CP: variants seen among roughly 807,000 people sequenced by gnomAD.
CP encodes the protein caeruloplasmin.
Under a neutral mutation model 122.4 loss-of-function variants are expected in CP, and 64 were observed. The observed-to-expected ratio is 0.52, with a 90% CI of 0.43 to 0.64. The LOEUF (loss-of-function observed/expected upper bound fraction) is 0.64, where lower values mean the gene tolerates loss of function less well. Ranked by LOEUF, CP falls within the 30% of genes least tolerant of loss-of-function variation. The probability of loss-of-function intolerance (pLI) is 0.00; values close to 1 mark genes in which losing one functional copy is unlikely to be tolerated. For missense variants in CP, 1,167 were observed against 1,284.4 expected, an observed-to-expected ratio of 0.91 and a Z score of 1.40; for synonymous variants, 440 against 436.4, an observed-to-expected ratio of 1.01 and a Z score of -0.10.
exon 6 of CP, chr3:149,162,499 G>A: frequency 1.1e-6 from 1 of 907,956 alleles, no homozygotes; most frequent in Non-Finnish European, 1.7e-6. Flanking sequence ...TATATCTGTA[G>A]AAACTTTATT....
intron 4 of CP, among the ~76,000 whole-genome samples, chr3:149,166,881 T>TTAAATAAGGA (rs1403023379): frequency 6.6e-6 from 1 of 152,260 alleles, no homozygotes; most frequent in Non-Finnish European, 1.5e-5. Flanking sequence ...CTTAGATTTA[T>TTAAATAAGGA]TAAATAAGGA....
At position 149,207,294 on chromosome 3, in the gene CP, C is replaced by T. The variant is rs1031219325; in HGVS notation, c.1036+69G>A. 5 of 1,595,484 alleles carry T rather than the reference C, an allele frequency of 3.1e-6. No individual in the cohort carries two copies. The African/African-American group carries it at 5.4e-5, about 17-fold the overall frequency. On this transcript the variant is annotated intron_variant, in intron 5 of 18. Coordinates refer to ENST00000264613, the MANE Select transcript of CP (RefSeq NM_000096.4). ...CTCAGATTATTTCAAAGATATTTAGCTTTTAGATTCTGATTCCCAGTAACC... is the reference window on the plus strand; with the variant it reads ...CTCAGATTATTTCAAAGATATTTAGTTTTTAGATTCTGATTCCCAGTAACC...
Position 149,178,665 on chromosome 3 carries a change from G to A in CP, c.2662-34C>T, listed in dbSNP as rs998134722. The A allele has an allele frequency of 7.6e-6, 11 of 1,453,162 alleles. No individual in the cohort carries two copies. The Admixed American group carries it at 1.7e-4, about 23-fold the overall frequency. 90.0% of individuals were successfully genotyped at this position (1,453,162 alleles called of 1,614,324 possible). A position where few individuals can be genotyped will look rare whatever the true frequency, so the allele number is the denominator to read the frequency against. On this transcript the variant is annotated intron_variant, in intron 15 of 18. Coordinates refer to ENST00000264613, the MANE Select transcript of CP (RefSeq NM_000096.4). ...AAGAAAAATCTTCAGTAACCCTTGTGAATTAGGTCAGGATTTCAGAGAACT... is the reference window on the plus strand; with the variant it reads ...AAGAAAAATCTTCAGTAACCCTTGTAAATTAGGTCAGGATTTCAGAGAACT...
At chr3:149,171,990 C>G, downstream of CP, 1 of 1,097,472 alleles carries the variant, frequency 9.1e-7, no homozygotes, top group Non-Finnish European at 1.4e-6. Context: ...CAGGCGTGAG[C>G]CACCACGCCT....
downstream of CP, chr3:149,171,954 C>T: frequency 1.2e-5 from 8 of 655,898 alleles, no homozygotes; most frequent in Middle Eastern, 4.5e-4. Flanking sequence ...ATCTGCCCAC[C>T]TCGGCCTCCC....
downstream of CP, among the ~76,000 whole-genome samples, chr3:149,170,104 G>C (rs1464712121): frequency 2.0e-5 from 3 of 152,200 alleles, no homozygotes; most frequent in Middle Eastern, 3.4e-3. Context: ...AACCTCAAAG[G>C]ATTCTAGAAG....
At position 149,173,413 on chromosome 3, in the gene CP, A is replaced by G. The variant is rs1249268531; in HGVS notation, c.*301T>C. On this transcript the variant is annotated 3_prime_UTR_variant, in exon 19 of 19. Transcript: ENST00000264613. Reference sequence around the variant, plus strand: ...GGAGCACCCAGGAGAATATCTGGTCATAGATCTTTTTTTAAATGCAGTTTT... The same window carrying G: ...GGAGCACCCAGGAGAATATCTGGTCGTAGATCTTTTTTTAAATGCAGTTTT... 8.8e-6 allele frequency: 2 copies of G among 226,554 alleles called. No homozygotes were observed. The highest frequency in any genetic ancestry group is 2.3e-5 in the African/African-American group (1 of 43,592). The allele number at this position is 226,554 out of a possible 1,614,324, so 14.0% of individuals were successfully genotyped here. A position where few individuals can be genotyped will look rare whatever the true frequency, so the allele number is the denominator to read the frequency against.
intron 14 of CP, among the ~76,000 whole-genome samples, chr3:149,181,051 G>T (rs1725740989): frequency 6.6e-6 from 1 of 152,056 alleles, no homozygotes; most frequent in Admixed American, 6.6e-5. Flanking sequence ...TATTGCAGTG[G>T]TCCTTAACTG....
intron 9 of CP, among the ~76,000 whole-genome samples, chr3:149,192,521 A>G (rs1285509571): frequency 6.6e-6 from 1 of 151,682 alleles, no homozygotes; most frequent in Non-Finnish European, 1.5e-5. Flanking sequence ...TAATTTGGCT[A>G]TGTAACACTG....
intron 6 of CP, among the ~76,000 whole-genome samples, chr3:149,204,826 A>G (rs1279637280): frequency 6.6e-6 from 1 of 152,168 alleles, no homozygotes; most frequent in Non-Finnish European, 1.5e-5. Context: ...AAGGAAGACA[A>G]ACAGAAAGAA....
downstream of CP, chr3:149,168,417 C>T (rs1370825471): frequency 1.6e-5 from 3 of 193,106 alleles, no homozygotes; most frequent in Admixed American, 5.4e-5. Flanking sequence ...TAAATTGTAC[C>T]GTATTTTACA....
At position 149,198,718 on chromosome 3, in the gene CP, C is replaced by G. The variant is rs1727084038; in HGVS notation, c.1502-140G>C. 9.2e-6 allele frequency: 7 copies of G among 763,146 alleles called. No homozygotes were observed. In the Admixed American group the frequency reaches 1.4e-4, roughly 16 times the overall value. The allele number at this position is 763,146 out of a possible 1,614,324, so 47.3% of individuals were successfully genotyped here. ...ATTAGAATGGAATCCCACTTATGCT[C>G]TGGTGTCAGATAACAGACCGATGTG... On this transcript the variant is annotated intron_variant, in intron 8 of 18. Coordinates refer to ENST00000264613, the MANE Select transcript of CP (RefSeq NM_000096.4).
chr3:149,180,817 A>G (rs1012915833), intron 14 of CP, among the ~76,000 whole-genome samples: 2 of 151,710 alleles, frequency 1.3e-5, no homozygotes, highest in Admixed American at 1.3e-4. Context: ...TCTTTTCCAC[A>G]CCCCTTTACA....
At chr3:149,214,715 A>G (rs562975757) in intron 1 of CP, among the ~76,000 whole-genome samples, 7 of 152,360 alleles carry the variant, frequency 4.6e-5, no homozygotes, top group Non-Finnish European at 7.3e-5. Context: ...ACAGGTAGGC[A>G]TGGGAAAAGG....
intron 9 of CP, among the ~76,000 whole-genome samples, chr3:149,197,824 C>A (rs1359411404): frequency 6.6e-6 from 1 of 152,172 alleles, no homozygotes; most frequent in Non-Finnish European, 1.5e-5. Flanking sequence ...TGACAGGAGG[C>A]AGAGCTCAGG....
intron 9 of CP, among the ~76,000 whole-genome samples, chr3:149,195,878 A>T (rs1235220761): frequency 6.6e-6 from 1 of 152,066 alleles, no homozygotes; most frequent in African/African-American, 2.4e-5. Context: ...AAAAAAAAAA[A>T]AAGAATAAAC....
At chr3:149,170,217 T>G (rs59171301), downstream of CP, among the ~76,000 whole-genome samples, 6,667 of 152,252 alleles carry the variant, frequency 0.044, 485 homozygotes, top group African/African-American at 0.15. Context: ...TATTAGCCCC[T>G]CCTTATTTGG....
In CP at chr3:149,210,191, C is replaced by T. The variant is rs750451693; in HGVS notation, c.583G>A (p.Gly195Arg). 1.2e-5 allele frequency: 19 copies of T among 1,613,778 alleles called. No individual in the cohort carries two copies. The highest frequency in any genetic ancestry group is 4.0e-5 in the African/African-American group (3 of 74,864). Residue 195 changes from glycine (G) to arginine (R), a missense_variant, in exon 3 of 19, where the codon GGA (glycine) becomes AGA (arginine). Transcript: ENST00000264613. Reference sequence around the variant, plus strand: ...CCTTTTTTACAGATTATTAAAGGTCCGATGAGTCCTGAGGCAATATCTTTT... The same window carrying T: ...CCTTTTTTACAGATTATTAAAGGTCTGATGAGTCCTGAGGCAATATCTTTT... ...APKDIASGLI[G>R]PLIICKKDSL...
intron 18 of CP, among the ~76,000 whole-genome samples, chr3:149,175,294 T>C (rs761389171): frequency 3.3e-5 from 5 of 152,170 alleles, no homozygotes; most frequent in Non-Finnish European, 7.4e-5. Context: ...GAGTCTTTGA[T>C]ATTCTAGTGT....
Sources: allele counts gnomAD v4.1 joint callset (sites outside exome capture counted in the v4.1 genomes callset), GRCh38; gene constraint gnomAD v4.1.1; transcripts MANE v1.5; gene names NCBI Gene and HGNC (gene_info 2026-07-23, HGNC 2026-07-21).